The following ZFHX3 variants were observed in gnomAD, a reference collection of about 807,000 sequenced individuals.
ZFHX3 encodes zinc finger homeobox 3.
In ZFHX3, 42 loss-of-function variants were observed where a neutral mutation model predicts 279.1. The ratio of observed to expected loss-of-function variants is 0.15; its 90% CI spans 0.12 to 0.19. The LOEUF (loss-of-function observed/expected upper bound fraction) is 0.19. ZFHX3 is among the 10% of genes least tolerant of loss of function. The probability of loss-of-function intolerance (pLI) is 1.00; values close to 1 mark genes in which losing one functional copy is unlikely to be tolerated. For synonymous variants in ZFHX3, 2,293 were observed against 1,957.8 expected (o/e 1.17, Z -4.52); for missense variants, 4,981 against 4,754.0 (o/e 1.05, Z -1.40).
chr16:73,377,894 G>A (rs1597308398), intron 3 of ZFHX3, among the ~76,000 whole-genome samples: 1 of 151,230 alleles, frequency 6.6e-6, no homozygotes, highest in South Asian at 2.1e-4. Context: ...TGAGCCGGGC[G>A]TGGTGCCGAG....
intron 1 of ZFHX3, among the ~76,000 whole-genome samples, chr16:73,817,962 C>A (rs1412309603): frequency 1.3e-5 from 2 of 152,300 alleles, no homozygotes; most frequent in South Asian, 2.1e-4. Context: ...GGAAGGCCAA[C>A]AAAGCCAAGT....
intron 3 of ZFHX3, among the ~76,000 whole-genome samples, chr16:73,415,594 C>T (rs1486425028): frequency 1.3e-5 from 2 of 152,214 alleles, no homozygotes; most frequent in Non-Finnish European, 2.9e-5. Flanking sequence ...CAATGTATTT[C>T]TCCGTGTGGA....
chr16:72,887,849 G>A (rs938264928), intron 4 of ZFHX3, among the ~76,000 whole-genome samples: 1 of 152,072 alleles, frequency 6.6e-6, no homozygotes, highest in Non-Finnish European at 1.5e-5. Context: ...GATGGAATGT[G>A]TAGGATGCAG....
rs912051883 is a variant in ZFHX3, at chr16:73,804,940, G to C, written c.-1608+86711C>G. On this transcript the variant is annotated intron_variant, in intron 1 of 17. Transcript: ENST00000641206. ...GGAGGGAGAGGGAGGGAGGGAGAGA[G>C]GGAGAGGAAGGGAGGGAGAGAGGGA... Among the ~76,000 whole-genome samples the C allele has an allele frequency of 4.4e-5, 6 of 135,302 alleles. 1 individual carries two copies. In the Admixed American group the frequency reaches 4.5e-4, roughly 10 times the overall value. 88.8% of individuals were successfully genotyped at this position (135,302 alleles called of 152,430 possible).
chr16:72,982,453 AT>A (rs1962650149), intron 1 of ZFHX3, among the ~76,000 whole-genome samples: 1 of 152,192 alleles, frequency 6.6e-6, no homozygotes, highest in Non-Finnish European at 1.5e-5. Flanking sequence ...AACAAGAAGA[AT>A]AAAGACAGAA....
Position 72,829,388 on chromosome 16 carries a change from G to T in ZFHX3, c.3529+391C>A, listed in dbSNP as rs75795902. 1,222 of 182,370 alleles carry T rather than the reference G, an allele frequency of 6.7e-3. 24 individuals are homozygous for T. The highest frequency in any genetic ancestry group is 0.026 in the African/African-American group (1,117 of 42,642). 11.3% of individuals were successfully genotyped at this position (182,370 alleles called of 1,614,324 possible). ...ACAAATCTCTCCACTGGCCTTGGGA[G>T]CAGGTGGGACCAGCGACTGGACCTT... On this transcript the variant is annotated intron_variant, in intron 5 of 9. Transcript: ENST00000268489.
chr16:73,298,007 A>G (rs749805176), intron 4 of ZFHX3, among the ~76,000 whole-genome samples: 1 of 147,588 alleles, frequency 6.8e-6, no homozygotes, highest in Non-Finnish European at 1.5e-5. Flanking sequence ...CAACATAACC[A>G]GACCCTGTCT....
At chr16:73,178,033 C>A (rs1457275258) in intron 5 of ZFHX3, among the ~76,000 whole-genome samples, 2 of 152,186 alleles carry the variant, frequency 1.3e-5, no homozygotes, top group Non-Finnish European at 2.9e-5. Flanking sequence ...TTACTCTGAG[C>A]TGAGATCTAC....
At chr16:73,492,162 C>T (rs2019066135) in intron 2 of ZFHX3, among the ~76,000 whole-genome samples, 1 of 152,168 alleles carries the variant, frequency 6.6e-6, no homozygotes. Flanking sequence ...TCATTGCCAT[C>T]TCCTGCCTCT....
At chr16:73,346,594 C>A (rs1349852581) in intron 3 of ZFHX3, among the ~76,000 whole-genome samples, 1 of 152,212 alleles carries the variant, frequency 6.6e-6, no homozygotes, top group African/African-American at 2.4e-5. Context: ...GCCTCAGCCA[C>A]TGGAGTAGCT....
In ZFHX3 at chr16:72,793,305, A is replaced by G. The variant is rs1386329195; in HGVS notation, c.9377T>C (p.Leu3126Pro). The change falls in exon 9 of 10, where the codon CTC (leucine) becomes CCC (proline). Residue 3126 changes from leucine to proline, a missense_variant. Leu to Pro is a moderately conservative substitution (Grantham distance 98). Coordinates refer to ENST00000268489, the MANE Select transcript of ZFHX3 (RefSeq NM_006885.4). The surrounding 1 kb of genome is among the most constrained non-coding windows in gnomAD (Gnocchi z 4.3). ...CAAGGAGGGGCTGTTGAGGCCCGGG[A>G]GCAACACAGGAGGAATGCCCTGGAG... ...PALQGIPPVL[L>P]PGLNSPSLPG... 3 of 1,614,070 alleles carry G rather than the reference A, an allele frequency of 1.9e-6. No homozygotes were observed. In the South Asian group the frequency reaches 3.3e-5, roughly 18 times the overall value.
At chr16:72,843,989 G>C (rs1466614485) in intron 4 of ZFHX3, among the ~76,000 whole-genome samples, 1 of 152,022 alleles carries the variant, frequency 6.6e-6, no homozygotes, top group African/African-American at 2.4e-5. Flanking sequence ...ACAAGACACA[G>C]CTCTCTCTCC....
At chr16:73,182,008 A>G (rs1303543242) in intron 5 of ZFHX3, among the ~76,000 whole-genome samples, 1 of 152,114 alleles carries the variant, frequency 6.6e-6, no homozygotes, top group African/African-American at 2.4e-5. Context: ...CTCTTCTCTA[A>G]TTGTTCCTCC....
At chr16:73,855,340 C>T (rs187608987) in intron 1 of ZFHX3, among the ~76,000 whole-genome samples, 84 of 150,852 alleles carry the variant, frequency 5.6e-4, no homozygotes, top group African/African-American at 1.9e-3. Flanking sequence ...GCCAGATCCA[C>T]GATTTACTCT....
At chr16:73,088,432 A>G (rs574644418) in intron 8 of ZFHX3, among the ~76,000 whole-genome samples, 1 of 152,328 alleles carries the variant, frequency 6.6e-6, no homozygotes, top group Admixed American at 6.5e-5. Flanking sequence ...AAATACAGGC[A>G]TGAACCACTG....
intron 5 of ZFHX3, among the ~76,000 whole-genome samples, chr16:73,227,745 A>G (rs1251319814): frequency 6.8e-6 from 1 of 147,046 alleles, no homozygotes; most frequent in Non-Finnish European, 1.5e-5. Context: ...GCTACTCAGG[A>G]GGCTGAGGCA....
intron 3 of ZFHX3, among the ~76,000 whole-genome samples, chr16:73,439,125 G>T (rs1483077866): frequency 6.6e-6 from 1 of 152,162 alleles, no homozygotes; most frequent in Non-Finnish European, 1.5e-5. Context: ...TCTCTTTCCT[G>T]GAAAACTCTC....
intron 3 of ZFHX3, among the ~76,000 whole-genome samples, chr16:72,912,437 A>G (rs904038067): frequency 2.0e-5 from 3 of 152,242 alleles, no homozygotes; most frequent in African/African-American, 2.4e-5. Context: ...CTGCTCTTAA[A>G]TAAGTCTTAT....
intron 1 of ZFHX3, among the ~76,000 whole-genome samples, chr16:73,776,894 T>C (rs375882554): frequency 2.0e-5 from 3 of 151,964 alleles, no homozygotes; most frequent in South Asian, 2.1e-4. Flanking sequence ...GCTTGCTTTA[T>C]TTTTTTTAAG....
Sources: gnomAD v4.1 joint callset for allele counts (sites outside exome capture counted in the v4.1 genomes callset) on GRCh38, gnomAD v4.1.1 for gene constraint, Gnocchi (gnomAD v3.1) non-coding constraint, MANE v1.5 for transcripts, NCBI Gene and HGNC (gene_info 2026-07-23, HGNC 2026-07-21) for gene names.